The following NFASC variants were observed in gnomAD, a reference collection of about 807,000 sequenced individuals.
NFASC encodes neurofascin.
A neutral mutation model predicts 147.5 loss-of-function variants in NFASC; 43 were observed. That is an observed-to-expected ratio of 0.29 (90% CI 0.23 to 0.38). The LOEUF (loss-of-function observed/expected upper bound fraction) is 0.38. Ranked by LOEUF, NFASC falls within the 10% of genes least tolerant of loss-of-function variation. The probability of loss-of-function intolerance (pLI) is 1.00; values close to 1 mark genes in which losing one functional copy is unlikely to be tolerated. For missense variants in NFASC, 1,320 were observed against 1,689.0 expected, an observed-to-expected ratio of 0.78 and a Z score of 3.83; for synonymous variants, 622 against 665.5, an observed-to-expected ratio of 0.93 and a Z score of 1.01.
intron 2 of NFASC, among the ~76,000 whole-genome samples, chr1:204,935,155 C>T (rs2092718064): frequency 6.6e-6 from 1 of 152,116 alleles, no homozygotes; most frequent in East Asian, 1.9e-4. Flanking sequence ...GGAGACTTCC[C>T]AGAGGAGGTA....
At chr1:204,977,828 A>G (rs1022333992) in intron 17 of NFASC, 103 bp downstream of exon 17, 18 of 1,070,934 alleles carry the variant, frequency 1.7e-5, no homozygotes, top group Admixed American at 4.3e-5. Flanking sequence ...GACAGTGTGT[A>G]GGTTTGTGGG....
chr1:204,966,204 A>G (rs1352873379), intron 8 of NFASC, among the ~76,000 whole-genome samples: 1 of 152,188 alleles, frequency 6.6e-6, no homozygotes, highest in Non-Finnish European at 1.5e-5. Context: ...TCACAGCTAC[A>G]GTGTGTCAAG....
intron 1 of NFASC, among the ~76,000 whole-genome samples, chr1:204,899,831 C>T (rs1044228309): frequency 6.6e-6 from 1 of 152,148 alleles, no homozygotes; most frequent in African/African-American, 2.4e-5. Flanking sequence ...AATCCTGAGA[C>T]CCAGGTTCAA....
intron 27 of NFASC, among the ~76,000 whole-genome samples, chr1:205,006,295 G>A (rs768215027): frequency 5.9e-5 from 9 of 152,190 alleles, no homozygotes; most frequent in Admixed American, 1.3e-4. Context: ...CAAGTACTAC[G>A]AGGCTAAAAG....
intron 2 of NFASC, 100 bp from the exon 3 acceptor site, chr1:204,944,126 T>TGAC (rs2093555686): frequency 9.8e-7 from 1 of 1,025,172 alleles, no homozygotes; most frequent in East Asian, 2.6e-5. Flanking sequence ...CATTACTCTG[T>TGAC]GACCAAGGGG....
At chr1:204,856,543 A>G (rs1467989148) in intron 1 of NFASC, among the ~76,000 whole-genome samples, 1 of 152,136 alleles carries the variant, frequency 6.6e-6, no homozygotes, top group Admixed American at 6.5e-5. Flanking sequence ...TAAAATTAAT[A>G]ATTTTCAAGT....
intron 19 of NFASC, 88 bp from the exon 20 acceptor site, chr1:204,980,282 G>A: frequency 1.1e-6 from 1 of 947,702 alleles, no homozygotes. Flanking sequence ...GCATAGAACA[G>A]ACCCATCAGG....
At chr1:204,830,270 G>A (rs866299927) in intron 1 of NFASC, among the ~76,000 whole-genome samples, 3 of 152,184 alleles carry the variant, frequency 2.0e-5, no homozygotes, top group Admixed American at 6.5e-5. Flanking sequence ...GCCAAAGCCA[G>A]CCTCAGAGCC....
chr1:204,867,808 G>C (rs1318873105), intron 1 of NFASC, among the ~76,000 whole-genome samples: 1 of 152,198 alleles, frequency 6.6e-6, no homozygotes, highest in Non-Finnish European at 1.5e-5. Context: ...AGCAGAGACA[G>C]AGACAGGCCC....
chr1:204,983,211 G>A (rs1185850205), intron 21 of NFASC, among the ~76,000 whole-genome samples: 3 of 152,218 alleles, frequency 2.0e-5, no homozygotes, highest in Admixed American at 6.5e-5. Context: ...TTTTGCGGCA[G>A]AGTGGAGAAA....
At chr1:204,982,473 T>C (rs548126630) in intron 21 of NFASC, among the ~76,000 whole-genome samples, 4 of 152,270 alleles carry the variant, frequency 2.6e-5, no homozygotes, top group Admixed American at 2.6e-4. Flanking sequence ...GGCCAGAGGT[T>C]CCCCCGGGGA....
chr1:204,958,451 G>A (rs1382341452), intron 8 of NFASC, among the ~76,000 whole-genome samples: 1 of 152,128 alleles, frequency 6.6e-6, no homozygotes, highest in African/African-American at 2.4e-5. Flanking sequence ...TGTTTGGCTG[G>A]TACAAAAGCA....
chr1:204,875,579 G>A (rs763433590), intron 1 of NFASC, among the ~76,000 whole-genome samples: 9 of 152,256 alleles, frequency 5.9e-5, no homozygotes, highest in South Asian at 2.1e-4. Context: ...GCAGATTGTC[G>A]GGAGGCCTCG....
intron 1 of NFASC, among the ~76,000 whole-genome samples, chr1:204,853,930 G>A (rs538758446): frequency 6.6e-6 from 1 of 152,324 alleles, no homozygotes; most frequent in East Asian, 1.9e-4. Flanking sequence ...CCACAAGAGA[G>A]CTGATTGTGG....
intron 1 of NFASC, among the ~76,000 whole-genome samples, chr1:204,861,840 A>G (rs1004380318): frequency 1.3e-5 from 2 of 152,168 alleles, no homozygotes; most frequent in African/African-American, 2.4e-5. Context: ...GAGCGAGTGG[A>G]CAGCCTCCCT....
chr1:204,856,468 C>T (rs191582514), intron 1 of NFASC, among the ~76,000 whole-genome samples: 18 of 150,642 alleles, frequency 1.2e-4, no homozygotes, highest in Admixed American at 4.0e-4. Context: ...GAAACTAGAA[C>T]GATCCCCCAT....
At chr1:204,912,078 C>T (rs113461261) in intron 1 of NFASC, among the ~76,000 whole-genome samples, 1 of 151,882 alleles carries the variant, frequency 6.6e-6, no homozygotes, top group Non-Finnish European at 1.5e-5. Context: ...TTCAAAGAAA[C>T]GGCTTGTTGT....
At chr1:204,847,001 AAAG>A (rs567099249) in intron 1 of NFASC, among the ~76,000 whole-genome samples, 202 of 148,658 alleles carry the variant, frequency 1.4e-3, no homozygotes, top group Middle Eastern at 0.01. Flanking sequence ...AAGAGGGAGA[AAAG>A]AAGGTGTTAA....
chr1:204,844,911 C>A (rs943991158), intron 1 of NFASC, among the ~76,000 whole-genome samples: 1 of 152,074 alleles, frequency 6.6e-6, no homozygotes, highest in African/African-American at 2.4e-5. Flanking sequence ...TGTTCCCATA[C>A]ATCTTTCTGT....
Sources: gnomAD v4.1 joint callset for allele counts (sites outside exome capture counted in the v4.1 genomes callset) on GRCh38, gnomAD v4.1.1 for gene constraint, MANE v1.5 for transcripts, NCBI Gene and HGNC (gene_info 2026-07-23, HGNC 2026-07-21) for gene names.